The following BNC2 variants were observed in gnomAD, a reference collection of about 807,000 sequenced individuals.
BNC2 encodes the protein zinc finger protein basonuclin-2.
Under a neutral mutation model 76.3 loss-of-function variants are expected in BNC2, and 20 were observed. The ratio of observed to expected loss-of-function variants is 0.26; its 90% CI spans 0.18 to 0.38. BNC2 has a LOEUF of 0.38. Among genes scored for constraint, BNC2 ranks in the 10% least tolerant of loss-of-function variants. BNC2 has a pLI of 1.00. For missense variants in BNC2, 1,382 were observed against 1,399.8 expected (o/e 0.99, Z 0.20); for synonymous variants, 582 against 514.8 (o/e 1.13, Z -1.77).
chr9:16,497,300 C>A (rs2131712536), intron 5 of BNC2, among the ~76,000 whole-genome samples: 1 of 152,286 alleles, frequency 6.6e-6, no homozygotes, highest in African/African-American at 2.4e-5. Flanking sequence ...AAAAACATTT[C>A]TGTGAAGTAG....
rs78318746 is a variant in BNC2 at position 16,426,989 on chromosome 9, C to A, written c.2640-7340G>T. 3.1e-4 allele frequency among the ~76,000 whole-genome samples: 47 copies of A among 152,348 alleles called. 2 individuals carry two copies. In the East Asian group the frequency reaches 8.9e-3, roughly 29 times the overall value. On this transcript the variant is annotated intron_variant, in intron 6 of 6. Transcript: ENST00000380672. ...AGAGCAAAGTGATCTAAAGAAACCACTGAGTTCATCTTGCTGCCCAAGGAT... is the reference window on the plus strand; with the variant it reads ...AGAGCAAAGTGATCTAAAGAAACCAATGAGTTCATCTTGCTGCCCAAGGAT...
At chr9:16,731,918 C>A (rs183148484) in intron 2 of BNC2, among the ~76,000 whole-genome samples, 1 of 152,032 alleles carries the variant, frequency 6.6e-6, no homozygotes, top group Non-Finnish European at 1.5e-5. Context: ...TTGCATATAA[C>A]TACACACTGT....
intron 1 of BNC2, among the ~76,000 whole-genome samples, chr9:16,755,900 G>A (rs1825371405): frequency 6.6e-6 from 1 of 152,132 alleles, no homozygotes; most frequent in African/African-American, 2.4e-5. Flanking sequence ...GTGAATCTGA[G>A]TCCTTACTCT....
chr9:16,651,664 G>C (rs1486642446), intron 3 of BNC2, among the ~76,000 whole-genome samples: 6 of 152,080 alleles, frequency 3.9e-5, no homozygotes, highest in Admixed American at 3.9e-4. Flanking sequence ...TTTATTCATG[G>C]AAAGTCCACA....
chr9:16,710,319 TCA>T (rs1175298878), intron 3 of BNC2, among the ~76,000 whole-genome samples: 10 of 152,302 alleles, frequency 6.6e-5, no homozygotes, highest in African/African-American at 2.4e-4. Flanking sequence ...ATGACATGTA[TCA>T]CACAGAGTCC....
At chr9:16,769,287 G>A (rs1825773136) in intron 1 of BNC2, among the ~76,000 whole-genome samples, 3 of 152,190 alleles carry the variant, frequency 2.0e-5, no homozygotes, top group Admixed American at 1.3e-4. Context: ...TGTCACTGCT[G>A]TACTGGAAGT....
intron 1 of BNC2, among the ~76,000 whole-genome samples, chr9:16,813,242 A>T (rs16923229): frequency 6.6e-6 from 1 of 151,706 alleles, no homozygotes; most frequent in South Asian, 2.1e-4. Context: ...CAACATTACC[A>T]TAACGGAAGC....
At chr9:16,512,072 T>G (rs1419991429) in intron 5 of BNC2, among the ~76,000 whole-genome samples, 1 of 152,240 alleles carries the variant, frequency 6.6e-6, no homozygotes, top group East Asian at 1.9e-4. Flanking sequence ...TTTTACCTAT[T>G]AATCTATTGT....
At position 16,481,171 on chromosome 9, in the gene BNC2, G is replaced by A. The variant is rs1254254930; in HGVS notation, c.670-43647C>T. 3.9e-5 allele frequency among the ~76,000 whole-genome samples: 6 copies of A among 152,218 alleles called. No homozygotes were observed. The South Asian group carries it at 1.0e-3, about 26-fold the overall frequency. ...CTAACTAATCTGATGGGGAGGTGGA[G>A]AACCTTTGTGTCTAGCTCAGGGATT... On this transcript the variant is annotated intron_variant, in intron 5 of 6. Transcript: ENST00000380672.
At chr9:16,569,714 TG>T (rs1819267178) in intron 4 of BNC2, among the ~76,000 whole-genome samples, 1 of 152,222 alleles carries the variant, frequency 6.6e-6, no homozygotes, top group Non-Finnish European at 1.5e-5. Context: ...TTTGCTCTTT[TG>T]CAGCAACTCC....
intron 1 of BNC2, among the ~76,000 whole-genome samples, chr9:16,782,770 C>G (rs145332711): frequency 6.1e-4 from 93 of 152,302 alleles, no homozygotes; most frequent in African/African-American, 2.2e-3. Flanking sequence ...CTAAGATACT[C>G]TGAAGGCCAG....
chr9:16,435,859 T>C lies in BNC2; in HGVS notation c.2335A>G (p.Thr779Ala), dbSNP rs775459888. 8.7e-6 allele frequency: 14 copies of C among 1,613,678 alleles called. No homozygotes were observed. The highest frequency in any genetic ancestry group is 5.0e-5 in the Admixed American group (3 of 59,996). The change falls in exon 6 of 7, where the codon ACA (threonine) becomes GCA (alanine). Residue 779 changes from threonine (T) to alanine (A), a missense_variant. By Grantham distance (58) the Thr-to-Ala change is moderately conservative. Transcript: ENST00000380672. ...QDVIKVKEEF[T>A]DPTYDMFYMS... ...TAAAACATGTCGTAAGTGGGGTCTG[T>C]AAATTCTTCCTTCACCTTGATGACG...
chr9:16,601,498 A>G (rs577995391), intron 3 of BNC2, among the ~76,000 whole-genome samples: 1 of 152,318 alleles, frequency 6.6e-6, no homozygotes, highest in South Asian at 2.1e-4. Flanking sequence ...TTGCAAGAGA[A>G]GTAAGCAGTT....
intron 6 of BNC2, among the ~76,000 whole-genome samples, chr9:16,422,436 T>C (rs1012389137): frequency 6.6e-6 from 1 of 152,252 alleles, no homozygotes; most frequent in African/African-American, 2.4e-5. Flanking sequence ...CTCATGGCAG[T>C]GCATTAGCTC....
intron 1 of BNC2, among the ~76,000 whole-genome samples, chr9:16,751,672 GTATATATATATGTA>G (rs1825211241): frequency 8.2e-6 from 1 of 121,702 alleles, no homozygotes. Context: ...GTATGTATGT[GTATATATATATGTA>G]TGTGTGTATA....
At chr9:16,514,482 T>C (rs930996101) in intron 5 of BNC2, among the ~76,000 whole-genome samples, 1 of 149,590 alleles carries the variant, frequency 6.7e-6, no homozygotes, top group Non-Finnish European at 1.5e-5. Context: ...TGACATCTAA[T>C]TGTTTAGATT....
At chr9:16,489,286 G>C (rs1822225347) in intron 5 of BNC2, among the ~76,000 whole-genome samples, 1 of 152,126 alleles carries the variant, frequency 6.6e-6, no homozygotes, top group African/African-American at 2.4e-5. Flanking sequence ...TACTTGAAAT[G>C]TGGCTATGCA....
intron 4 of BNC2, chr9:16,580,258 G>GT: frequency 2.5e-6 from 1 of 397,984 alleles, no homozygotes; most frequent in Non-Finnish European, 4.4e-6. Context: ...CCTCACTGCT[G>GT]TATTTGGCCT....
At chr9:16,428,885 T>A (rs920344584) in intron 6 of BNC2, among the ~76,000 whole-genome samples, 7 of 152,196 alleles carry the variant, frequency 4.6e-5, no homozygotes, top group African/African-American at 1.4e-4. Flanking sequence ...ACATAAAATC[T>A]AGGTATATTT....
Sources: allele counts gnomAD v4.1 joint callset (sites outside exome capture counted in the v4.1 genomes callset), GRCh38; gene constraint gnomAD v4.1.1; transcripts MANE v1.5; gene names NCBI Gene and HGNC (gene_info 2026-07-23, HGNC 2026-07-21).